Variants in DSCAM observed in about 807,000 individuals in gnomAD.
The protein encoded by DSCAM is cell adhesion molecule DSCAM.
Under a neutral mutation model 217.7 loss-of-function variants are expected in DSCAM, and 47 were observed. That is an observed-to-expected ratio of 0.22 (90% CI 0.17 to 0.28). The LOEUF (loss-of-function observed/expected upper bound fraction) is 0.28, where lower values mean the gene tolerates loss of function less well. Among genes scored for constraint, DSCAM ranks in the 10% least tolerant of loss-of-function variants. The pLI, the probability that DSCAM is intolerant of heterozygous loss-of-function variation, is 1.00. For synonymous variants in DSCAM, 1,056 were observed against 1,015.3 expected (o/e 1.04, Z -0.76); for missense variants, 2,080 against 2,618.3 (o/e 0.79, Z 4.49).
chr21:40,693,000 G>A, intron 2 of DSCAM, 44 bp from the exon 3 acceptor site: 1 of 1,580,148 alleles, frequency 6.3e-7, no homozygotes, highest in Non-Finnish European at 8.7e-7. Context: ...ACGGTCAACA[G>A]GCTCATTCTG....
chr21:40,653,074 T>A (rs539287464), intron 3 of DSCAM, among the ~76,000 whole-genome samples: 2 of 152,228 alleles, frequency 1.3e-5, no homozygotes, highest in African/African-American at 4.8e-5. Context: ...GAAAGACAAC[T>A]GGAAGCCTGT....
intron 4 of DSCAM, among the ~76,000 whole-genome samples, chr21:40,361,359 G>A (rs985127788): frequency 1.3e-5 from 2 of 152,080 alleles, no homozygotes; most frequent in South Asian, 2.1e-4. Context: ...AGCGGCTCAC[G>A]CCTGTAATCC....
rs1409152599 is a variant in DSCAM, at chr21:40,685,936, C to CTG, written c.508+6873_508+6874insCA. On this transcript the variant is annotated intron_variant, in intron 3 of 32. Coordinates refer to ENST00000400454, the MANE Select transcript of DSCAM (RefSeq NM_001389.5). ...ATCCATGGGAGGAAACTGAGGCAAA[C>CTG]AAAAACAAAAACAAAAACAAAAACA... Among the ~76,000 whole-genome samples, 142 of 74,064 alleles carry CTG rather than the reference C, an allele frequency of 1.9e-3. 1 individual carries two copies. The highest frequency in any genetic ancestry group is 3.6e-3 in the Non-Finnish European group (115 of 31,644). The allele number at this position is 74,064 out of a possible 152,430, so 48.6% of individuals were successfully genotyped here.
At chr21:40,280,349 G>T (rs565214283) in intron 10 of DSCAM, among the ~76,000 whole-genome samples, 3 of 151,672 alleles carry the variant, frequency 2.0e-5, no homozygotes, top group East Asian at 3.9e-4. Context: ...ACCATACCCC[G>T]CTAGGCCTTT....
At chr21:40,536,360 C>G (rs529022180) in intron 3 of DSCAM, among the ~76,000 whole-genome samples, 1 of 151,106 alleles carries the variant, frequency 6.6e-6, no homozygotes, top group African/African-American at 2.4e-5. Context: ...TTCCAATACT[C>G]TACCAATGGA....
At chr21:40,825,918 T>C (rs1391090092) in intron 1 of DSCAM, among the ~76,000 whole-genome samples, 1 of 152,190 alleles carries the variant, frequency 6.6e-6, no homozygotes, top group Non-Finnish European at 1.5e-5. Flanking sequence ...AGCAATGACA[T>C]CCAGTCCCTA....
chr21:40,599,367 C>T (rs938602805), intron 3 of DSCAM, among the ~76,000 whole-genome samples: 39 of 152,122 alleles, frequency 2.6e-4, no homozygotes, highest in Non-Finnish European at 2.9e-5. Flanking sequence ...TGCTCTCCCT[C>T]CCTTGGCCCC....
intron 3 of DSCAM, among the ~76,000 whole-genome samples, chr21:40,574,163 C>A (rs991235368): frequency 6.6e-6 from 1 of 151,560 alleles, no homozygotes; most frequent in Non-Finnish European, 1.5e-5. Context: ...ATTAAACCTA[C>A]AAAAAACATT....
At chr21:40,577,277 G>T (rs552258254) in intron 3 of DSCAM, among the ~76,000 whole-genome samples, 6 of 148,918 alleles carry the variant, frequency 4.0e-5, no homozygotes, top group Admixed American at 4.0e-4. Flanking sequence ...ATTAGCCGGC[G>T]ACCAGGCCGC....
chr21:40,244,892 T>C (rs1344075196), intron 11 of DSCAM, among the ~76,000 whole-genome samples: 1 of 152,108 alleles, frequency 6.6e-6, no homozygotes, highest in Admixed American at 6.5e-5. Flanking sequence ...TGAAAATCTG[T>C]ACTGGCAATT....
chr21:40,728,001 T>G (rs78639936), intron 1 of DSCAM, among the ~76,000 whole-genome samples: 13,554 of 152,144 alleles, frequency 0.089, 792 homozygotes, highest in African/African-American at 0.16. Flanking sequence ...ACTCCCTGGC[T>G]CACCTTTTCC....
intron 1 of DSCAM, among the ~76,000 whole-genome samples, chr21:40,716,948 G>A (rs564941917): frequency 3.3e-4 from 50 of 152,332 alleles, no homozygotes; most frequent in Non-Finnish European, 1.5e-5. Context: ...ATAAGTGATA[G>A]AGAAACTAAT....
intron 3 of DSCAM, among the ~76,000 whole-genome samples, chr21:40,600,659 T>C (rs2077055262): frequency 6.6e-6 from 1 of 152,232 alleles, no homozygotes; most frequent in Admixed American, 6.5e-5. Context: ...TTTTGCACTT[T>C]ATATGTGGGT....
intron 3 of DSCAM, among the ~76,000 whole-genome samples, chr21:40,482,768 T>C (rs1000497885): frequency 1.3e-5 from 2 of 152,212 alleles, no homozygotes; most frequent in African/African-American, 2.4e-5. Context: ...CCAAAGAATT[T>C]CAGCAAGACA....
At chr21:40,639,921 T>G (rs545571879) in intron 3 of DSCAM, among the ~76,000 whole-genome samples, 1 of 152,100 alleles carries the variant, frequency 6.6e-6, no homozygotes, top group Non-Finnish European at 1.5e-5. Context: ...AAAAAACCCA[T>G]GCCTTGTTCT....
intron 10 of DSCAM, among the ~76,000 whole-genome samples, chr21:40,291,415 A>T (rs2073890636): frequency 6.6e-6 from 1 of 151,382 alleles, no homozygotes; most frequent in Admixed American, 6.6e-5. Context: ...CACCATCACC[A>T]CTCTCATTGC....
intron 3 of DSCAM, among the ~76,000 whole-genome samples, chr21:40,638,231 C>G (rs545675301): frequency 6.6e-6 from 1 of 152,272 alleles, no homozygotes; most frequent in African/African-American, 2.4e-5. Context: ...CTGTGTACGT[C>G]AGGTGTTGAC....
At chr21:40,073,915 C>A (rs1489241167) in intron 27 of DSCAM, among the ~76,000 whole-genome samples, 1 of 152,174 alleles carries the variant, frequency 6.6e-6, no homozygotes, top group East Asian at 1.9e-4. Flanking sequence ...AGGAGATTTA[C>A]ATGGACAGAT....
intron 3 of DSCAM, among the ~76,000 whole-genome samples, chr21:40,468,868 G>A (rs2075865956): frequency 6.6e-6 from 1 of 152,126 alleles, no homozygotes; most frequent in African/African-American, 2.4e-5. Flanking sequence ...CCATCCAGGA[G>A]GTCTGTTTGA....
Sources: allele counts gnomAD v4.1 joint callset (sites outside exome capture counted in the v4.1 genomes callset), GRCh38; gene constraint gnomAD v4.1.1; transcripts MANE v1.5; gene names NCBI Gene and HGNC (gene_info 2026-07-23, HGNC 2026-07-21).